Variants in CMTR1 observed in about 807,000 individuals in gnomAD.
CMTR1 encodes cap-specific mRNA (nucleoside-2'-O-)-methyltransferase 1.
A neutral mutation model predicts 107.0 loss-of-function variants in CMTR1; 39 were observed. That is an observed-to-expected ratio of 0.36 (90% confidence interval 0.28 to 0.48). The LOEUF (loss-of-function observed/expected upper bound fraction) is 0.48. Ranked by LOEUF, CMTR1 falls within the 20% of genes least tolerant of loss-of-function variation. CMTR1 has a pLI of 0.99. For missense variants in CMTR1, 672 were observed against 1,064.9 expected, an observed-to-expected ratio of 0.63 and a Z score of 5.14; for synonymous variants, 366 against 379.5, an observed-to-expected ratio of 0.96 and a Z score of 0.41.
At chr6:37,477,859 G>T (rs1761770375) in intron 21 of CMTR1, among the ~76,000 whole-genome samples, 1 of 152,214 alleles carries the variant, frequency 6.6e-6, no homozygotes, top group South Asian at 2.1e-4. Flanking sequence ...AGCCAGGCGG[G>T]CTGTGTCAGG....
At chr6:37,437,618 C>G (rs901684317) in intron 2 of CMTR1, among the ~76,000 whole-genome samples, 1 of 151,788 alleles carries the variant, frequency 6.6e-6, no homozygotes, top group African/African-American at 2.4e-5. Flanking sequence ...AGATTGGACA[C>G]CTCTGCTTCA....
At chr6:37,444,206 G>C in intron 3 of CMTR1, 56 bp downstream of exon 3, 1 of 1,574,912 alleles carries the variant, frequency 6.3e-7, no homozygotes, top group Non-Finnish European at 8.6e-7. Flanking sequence ...TGAAAGAAGG[G>C]CAATTTGTAT....
chr6:37,459,813 A>G (rs917987324), intron 10 of CMTR1, 129 bp downstream of exon 10: 1 of 713,222 alleles, frequency 1.4e-6, no homozygotes, highest in Non-Finnish European at 2.5e-6. Context: ...ATTGTAGAGA[A>G]TGCATTTTTA....
At chr6:37,478,751 G>T (rs2113898020) in intron 22 of CMTR1, among the ~76,000 whole-genome samples, 1 of 152,248 alleles carries the variant, frequency 6.6e-6, no homozygotes, top group South Asian at 2.1e-4. Flanking sequence ...AGCTCAACTT[G>T]TACACACGCA....
chr6:37,440,206 T>C (rs367703936), intron 2 of CMTR1, among the ~76,000 whole-genome samples: 1 of 152,246 alleles, frequency 6.6e-6, no homozygotes, highest in African/African-American at 2.4e-5. Context: ...AAATTCTTAT[T>C]GAAACTAATG....
intron 12 of CMTR1, 79 bp from the exon 13 acceptor site, chr6:37,462,750 T>A (rs1761426036): frequency 7.2e-7 from 1 of 1,391,206 alleles, no homozygotes; most frequent in South Asian, 1.2e-5. Flanking sequence ...AGCTTTGTGA[T>A]TCCACAAGGG....
At chr6:37,450,088 G>A (rs751768240) in intron 4 of CMTR1, among the ~76,000 whole-genome samples, 163 bp from the exon 5 acceptor site, 1 of 152,146 alleles carries the variant, frequency 6.6e-6, no homozygotes, top group Non-Finnish European at 1.5e-5. Context: ...TAGAATTCTG[G>A]CTCTCACGTC....
At chr6:37,438,569 A>G (rs962029078) in intron 2 of CMTR1, among the ~76,000 whole-genome samples, 2 of 152,206 alleles carry the variant, frequency 1.3e-5, no homozygotes, top group African/African-American at 4.8e-5. Context: ...AACTGAGGGC[A>G]GTATCTTTAT....
intron 2 of CMTR1, chr6:37,436,510 C>G (rs1050262340): frequency 1.3e-5 from 2 of 152,220 alleles, no homozygotes; most frequent in African/African-American, 4.8e-5. Context: ...GGCTAGTAGT[C>G]CAAAATCAAA....
intron 5 of CMTR1, among the ~76,000 whole-genome samples, chr6:37,450,811 G>A (rs1007157205): frequency 3.9e-5 from 6 of 152,200 alleles, no homozygotes; most frequent in South Asian, 4.1e-4. Flanking sequence ...ATGTGCTCCC[G>A]GGGATCTCTA....
chr6:37,451,883 G>T lies in CMTR1; in HGVS notation c.609+6G>T, dbSNP rs1381658100. Reference sequence around the variant, plus strand: ...ACAGTGTGTTGCAGTGTAAGGTAAGGTCTTGTGGCTAGAACCAGATAATGA... The same window carrying T: ...ACAGTGTGTTGCAGTGTAAGGTAAGTTCTTGTGGCTAGAACCAGATAATGA... On this transcript the variant is annotated splice_donor_region_variant and intron_variant, in intron 6 of 23. Transcript: ENST00000373451. 6 of 1,610,774 alleles carry T rather than the reference G, an allele frequency of 3.7e-6. No homozygotes were observed. The highest frequency in any genetic ancestry group is 4.2e-6 in the Non-Finnish European group (5 of 1,178,234).
upstream of CMTR1, among the ~76,000 whole-genome samples, chr6:37,429,970 C>T (rs1054916233): frequency 6.6e-6 from 1 of 151,792 alleles, no homozygotes; most frequent in Non-Finnish European, 1.5e-5. Flanking sequence ...AGAATATACT[C>T]TCAAGTTAGG....
At chr6:37,459,493 C>G in intron 9 of CMTR1, 73 bp from the exon 10 acceptor site, 2 of 1,294,530 alleles carry the variant, frequency 1.5e-6, no homozygotes, top group Non-Finnish European at 2.2e-6. Flanking sequence ...CTTCACTGAC[C>G]CAGAGCACTC....
chr6:37,432,270 T>C (rs117705885), upstream of CMTR1, among the ~76,000 whole-genome samples: 45 of 152,342 alleles, frequency 3.0e-4, no homozygotes, highest in East Asian at 2.9e-3. Context: ...TGGGACATCA[T>C]TGATGGATTT....
chr6:37,429,832 G>T (rs1771339113), upstream of CMTR1, among the ~76,000 whole-genome samples: 1 of 152,150 alleles, frequency 6.6e-6, no homozygotes, highest in African/African-American at 2.4e-5. Flanking sequence ...CAGCTACTTG[G>T]GAGGCTGAGG....
At chr6:37,439,926 C>T (rs1348662060) in intron 2 of CMTR1, among the ~76,000 whole-genome samples, 1 of 152,194 alleles carries the variant, frequency 6.6e-6, no homozygotes, top group Non-Finnish European at 1.5e-5. Context: ...GGACTACAGG[C>T]ACATGCCACT....
Position 37,471,915 on chromosome 6 carries a change from C to G in CMTR1, c.1620+11C>G. The G allele has an allele frequency of 6.2e-7, 1 of 1,611,336 alleles. No homozygotes were observed. On this transcript the variant is annotated intron_variant, in intron 15 of 23. Coordinates refer to ENST00000373451, the MANE Select transcript of CMTR1 (RefSeq NM_015050.3). Reference sequence around the variant, plus strand: ...CTCCGACTCTGGGGGGTGAGTATCTCCCCCGCCCATTGCTGCTTCAGGGCA... The same window carrying G: ...CTCCGACTCTGGGGGGTGAGTATCTGCCCCGCCCATTGCTGCTTCAGGGCA...
rs1199270455 is a variant in CMTR1 at position 37,476,175 on chromosome 6, C to T, written c.2086C>T (p.Pro696Ser). The change falls in exon 20 of 24, where the codon CCC becomes TCC. Residue 696 changes from proline (P) to serine (S), a missense_variant. Pro to Ser is a moderately conservative substitution (Grantham distance 74). Transcript: ENST00000373451. Reference sequence around the variant, plus strand: ...GAAAGCCGTTTCCAAGCCTAGTCGGCCCGACATGAATCCCATCAGGTGAGC... The same window carrying T: ...GAAAGCCGTTTCCAAGCCTAGTCGGTCCGACATGAATCCCATCAGGTGAGC... ...FVKAVSKPSR[P>S]DMNPIRVKEV... 2.5e-6 allele frequency: 4 copies of T among 1,614,098 alleles called. No homozygotes were observed. The Admixed American group carries it at 6.7e-5, about 27-fold the overall frequency.
At chr6:37,447,387 C>T (rs571426161) in intron 4 of CMTR1, among the ~76,000 whole-genome samples, 105 of 152,230 alleles carry the variant, frequency 6.9e-4, no homozygotes, top group African/African-American at 2.4e-3. Flanking sequence ...TAGTTGTGGG[C>T]GTTGAGACCA....
Sources: gnomAD v4.1 joint callset for allele counts (sites outside exome capture counted in the v4.1 genomes callset) on GRCh38, gnomAD v4.1.1 for gene constraint, MANE v1.5 for transcripts, NCBI Gene and HGNC (gene_info 2026-07-23, HGNC 2026-07-21) for gene names.